Variants in WWC1 observed in about 807,000 individuals in gnomAD.
WWC1 encodes the protein protein KIBRA.
In WWC1, 55 loss-of-function variants were observed where a neutral mutation model predicts 138.4. The ratio of observed to expected loss-of-function variants is 0.40; its 90% CI spans 0.32 to 0.50. The LOEUF (loss-of-function observed/expected upper bound fraction) is 0.50. Among genes scored for constraint, WWC1 ranks in the 20% least tolerant of loss-of-function variants. The pLI is 0.72. For missense variants in WWC1, 1,226 were observed against 1,420.4 expected (o/e 0.86, Z 2.20); for synonymous variants, 524 against 564.9 (o/e 0.93, Z 1.03).
chr5:168,400,360 C>T (rs750692723), intron 5 of WWC1, among the ~76,000 whole-genome samples: 2 of 152,124 alleles, frequency 1.3e-5, no homozygotes, highest in Non-Finnish European at 2.9e-5. Context: ...AGGCCTCAGT[C>T]TGTGTTTTTC....
At chr5:168,435,897 C>T (rs1295934037) in intron 15 of WWC1, among the ~76,000 whole-genome samples, 1 of 151,822 alleles carries the variant, frequency 6.6e-6, no homozygotes, top group African/African-American at 2.4e-5. Flanking sequence ...GACTGAAGGG[C>T]AATGGCGTGA....
intron 7 of WWC1, among the ~76,000 whole-genome samples, chr5:168,409,300 T>C (rs542769544): frequency 6.6e-6 from 1 of 152,168 alleles, no homozygotes; most frequent in Non-Finnish European, 1.5e-5. Flanking sequence ...CTAAGTTCCA[T>C]AGCTGTCTTC....
At chr5:168,422,615 C>CA (rs1252301254) in intron 10 of WWC1, among the ~76,000 whole-genome samples, 2 of 150,722 alleles carry the variant, frequency 1.3e-5, no homozygotes, top group African/African-American at 4.9e-5. Flanking sequence ...ACCTTGTCTC[C>CA]AAAAAGAAAA....
intron 2 of WWC1, among the ~76,000 whole-genome samples, chr5:168,376,361 G>A (rs1777167264): frequency 6.6e-6 from 1 of 152,106 alleles, no homozygotes; most frequent in Admixed American, 6.6e-5. Context: ...GCCCATATTT[G>A]TCATTTTTAA....
chr5:168,367,136 T>C lies in WWC1; in HGVS notation c.120-4288T>C, dbSNP rs547995211. 1.5e-3 allele frequency among the ~76,000 whole-genome samples: 221 copies of C among 152,054 alleles called. 1 individual carries two copies. Among genetic ancestry groups the C allele is most frequent in the African/African-American group, 5.0e-3 (206 of 41,496 alleles). On this transcript the variant is annotated intron_variant, in intron 1 of 22. Transcript: ENST00000265293. ...TAATTGCCTCTTTATTAAGCAGCCATGGATTTCCCAGGTCTATTGAATATC... is the reference window on the plus strand; with the variant it reads ...TAATTGCCTCTTTATTAAGCAGCCACGGATTTCCCAGGTCTATTGAATATC...
intron 15 of WWC1, among the ~76,000 whole-genome samples, chr5:168,438,568 C>T (rs918509217): frequency 5.3e-5 from 8 of 152,060 alleles, no homozygotes; most frequent in African/African-American, 9.7e-5. Flanking sequence ...AGCATGAGAA[C>T]GGATTAATAC....
At chr5:168,313,936 G>A (rs1256293425) in intron 1 of WWC1, among the ~76,000 whole-genome samples, 1 of 152,192 alleles carries the variant, frequency 6.6e-6, no homozygotes, top group African/African-American at 2.4e-5. Context: ...AATTGATAGG[G>A]GTTCACACCT....
At chr5:168,468,235 G>C (rs145851674) in intron 22 of WWC1, among the ~76,000 whole-genome samples, 2 of 152,226 alleles carry the variant, frequency 1.3e-5, no homozygotes, top group Non-Finnish European at 2.9e-5. Context: ...GCCTTTCCTC[G>C]TAGTGTTTTC....
chr5:168,436,780 A>G (rs1377516438), intron 15 of WWC1, among the ~76,000 whole-genome samples: 1 of 151,722 alleles, frequency 6.6e-6, no homozygotes, highest in African/African-American at 2.4e-5. Flanking sequence ...ACTTCCCCAG[A>G]CCCAAGCCAC....
At chr5:168,446,803 T>C (rs1456274323) in intron 17 of WWC1, among the ~76,000 whole-genome samples, 1 of 152,198 alleles carries the variant, frequency 6.6e-6, no homozygotes, top group Non-Finnish European at 1.5e-5. Context: ...AATACATGGT[T>C]GAAATCATTG....
chr5:168,401,383 C>A (rs966727578), intron 5 of WWC1, among the ~76,000 whole-genome samples: 6 of 152,168 alleles, frequency 3.9e-5, no homozygotes, highest in African/African-American at 1.4e-4. Context: ...GGCTGTTTCT[C>A]GCTTTTTGTC....
At chr5:168,375,967 G>T (rs1351037247) in intron 2 of WWC1, among the ~76,000 whole-genome samples, 1 of 152,116 alleles carries the variant, frequency 6.6e-6, no homozygotes, top group Non-Finnish European at 1.5e-5. Flanking sequence ...TGATTAGATG[G>T]TTTTAATCAG....
intron 15 of WWC1, among the ~76,000 whole-genome samples, chr5:168,432,043 G>A (rs1257194725): frequency 8.8e-6 from 1 of 113,004 alleles, no homozygotes; most frequent in Non-Finnish European, 1.7e-5. Context: ...GCAGAACCCT[G>A]TGTCAAAAAA....
intron 1 of WWC1, among the ~76,000 whole-genome samples, chr5:168,363,761 A>G (rs1776073195): frequency 6.6e-6 from 1 of 152,122 alleles, no homozygotes; most frequent in South Asian, 2.1e-4. Context: ...GGTGACTTTG[A>G]GCACCCCCAT....
intron 5 of WWC1, among the ~76,000 whole-genome samples, chr5:168,402,511 C>G (rs551403757): frequency 1.3e-5 from 2 of 152,300 alleles, no homozygotes; most frequent in South Asian, 4.1e-4. Context: ...TGACCTCTAG[C>G]TGGTTGCCTG....
rs1486106864 is a variant in WWC1 at position 168,424,068 on chromosome 5, G to C, written c.1810G>C (p.Ala604Pro). The change falls in exon 11 of 23, where the codon GCT becomes CCT. Residue 604 changes from alanine (A) to proline (P), a missense_variant and splice_region_variant. By Grantham distance (27) the Ala-to-Pro change is conservative (BLOSUM62 -1). Coordinates refer to ENST00000265293, the MANE Select transcript of WWC1 (RefSeq NM_015238.3). Reference sequence around the variant, plus strand: ...AACGGAGGGCAAGCAGCTGGGCCAAGGTAGAGAGCACCATACCCAGAGGGT... The same window carrying C: ...AACGGAGGGCAAGCAGCTGGGCCAACGTAGAGAGCACCATACCCAGAGGGT... ...PGTEGKQLGQ[A>P]VNTAQGCGLK... The C allele has an allele frequency of 6.3e-7, 1 of 1,590,014 alleles. No homozygotes were observed. Among genetic ancestry groups the C allele is most frequent in the African/African-American group, 1.3e-5 (1 of 74,536 alleles).
chr5:168,316,300 G>A (rs1169859588), intron 1 of WWC1, among the ~76,000 whole-genome samples: 2 of 152,168 alleles, frequency 1.3e-5, no homozygotes, highest in African/African-American at 2.4e-5. Context: ...GCCTGGGATC[G>A]AAAGGACATT....
intron 15 of WWC1, among the ~76,000 whole-genome samples, chr5:168,437,663 A>C (rs1383287440): frequency 1.3e-5 from 2 of 152,232 alleles, no homozygotes; most frequent in African/African-American, 4.8e-5. Flanking sequence ...ATGAATACGT[A>C]AATGCCCTCA....
intron 5 of WWC1, among the ~76,000 whole-genome samples, chr5:168,405,333 G>T (rs1043537927): frequency 6.6e-6 from 1 of 152,164 alleles, no homozygotes; most frequent in Non-Finnish European, 1.5e-5. Context: ...CATTCAGGGT[G>T]GGGGTACCAC....
Sources: allele counts gnomAD v4.1 joint callset (sites outside exome capture counted in the v4.1 genomes callset), GRCh38; gene constraint gnomAD v4.1.1; transcripts MANE v1.5; gene names NCBI Gene and HGNC (gene_info 2026-07-23, HGNC 2026-07-21).